Variants in DYRK4 observed in about 807,000 individuals in gnomAD.
DYRK4 encodes the protein dual specificity tyrosine phosphorylation regulated kinase 4.
DYRK4 carries 64 observed loss-of-function variants against 68.3 expected under a neutral mutation model. The observed-to-expected ratio is 0.94, with a 90% CI of 0.77 to 1.15. The LOEUF (loss-of-function observed/expected upper bound fraction) is 1.15. Among genes scored for constraint, DYRK4 ranks in the 50% most tolerant of loss-of-function variants. The pLI is 0.00. For missense variants in DYRK4, 740 were observed against 764.7 expected (o/e 0.97, Z 0.38); for synonymous variants, 274 against 289.9 (o/e 0.95, Z 0.56).
intron 2 of DYRK4, among the ~76,000 whole-genome samples, chr12:4,588,382 C>T (rs1944918743): frequency 1.3e-5 from 2 of 152,214 alleles, no homozygotes; most frequent in Admixed American, 1.3e-4. Flanking sequence ...ACATTACGTC[C>T]TCTTCCTCTG....
Position 4,602,872 on chromosome 12 carries a change from A to G in DYRK4, c.1127-2042A>G, listed in dbSNP as rs139048062. ...AAATACATCACTGTGACAGTTTCCCAAATATATTTCTTTCATTTTCAAAAT... is the reference window on the plus strand; with the variant it reads ...AAATACATCACTGTGACAGTTTCCCGAATATATTTCTTTCATTTTCAAAAT... On this transcript the variant is annotated intron_variant, in intron 10 of 14. Transcript: ENST00000543431. The G allele has an allele frequency of 3.8e-3, 4,009 of 1,057,714 alleles. 173 individuals carry two copies. The Admixed American group carries it at 0.07, about 18-fold the overall frequency. 65.5% of individuals were successfully genotyped at this position (1,057,714 alleles called of 1,614,324 possible). A position where few individuals can be genotyped will look rare whatever the true frequency, so the allele number is the denominator to read the frequency against.
chr12:4,594,656 T>C (rs1298864464), intron 6 of DYRK4, among the ~76,000 whole-genome samples: 1 of 152,154 alleles, frequency 6.6e-6, no homozygotes, highest in Non-Finnish European at 1.5e-5. Flanking sequence ...TCAGTACTAC[T>C]TTTAAGTTAA....
intron 2 of DYRK4, among the ~76,000 whole-genome samples, chr12:4,585,328 C>T (rs1471483878): frequency 1.3e-5 from 2 of 152,230 alleles, no homozygotes; most frequent in Non-Finnish European, 2.9e-5. Context: ...TCTCAAGGGT[C>T]TCATGGAGAG....
Position 4,610,195 on chromosome 12 carries a change from G to GA in DYRK4, c.1408dup (p.Arg470LysfsTer16), listed in dbSNP as rs768937539. On this transcript the variant is annotated frameshift_variant, in exon 13 of 15. Coordinates refer to ENST00000543431, the MANE Select transcript of DYRK4 (RefSeq NM_001394779.1). LOFTEE classifies it high-confidence loss of function. ...CTAAAAATATAACCAACAACAGGGG[G>GA]AAAAAAAGATACCCAGATTCCAAGG... The GA allele has an allele frequency of 3.1e-6, 5 of 1,601,708 alleles. No individual in the cohort carries two copies. Among genetic ancestry groups the GA allele is most frequent in the East Asian group, 4.5e-5 (2 of 44,060 alleles).
intron 11 of DYRK4, among the ~76,000 whole-genome samples, chr12:4,605,851 G>A (rs1945143820): frequency 6.8e-6 from 1 of 147,484 alleles, no homozygotes; most frequent in Non-Finnish European, 1.5e-5. Context: ...TGGTGTAGAT[G>A]TGAACCCAGT....
At chr12:4,604,732 T>C in intron 10 of DYRK4, 182 bp from the exon 11 acceptor site, 3 of 295,428 alleles carry the variant, frequency 1.0e-5, no homozygotes, top group Non-Finnish European at 1.5e-5. Context: ...ACCTCCTTTA[T>C]AATCAGGTTG....
In DYRK4 at chr12:4,605,095, A is replaced by G. The variant is rs776828331; in HGVS notation, c.1299+9A>G. 3.1e-6 allele frequency: 5 copies of G among 1,608,534 alleles called. No homozygotes were observed. Among genetic ancestry groups the G allele is most frequent in the Middle Eastern group, 1.7e-4 (1 of 6,024 alleles). On this transcript the variant is annotated intron_variant, in intron 11 of 14. Transcript: ENST00000543431. ...TGGCCTGCATCATGGAGGTACGCGG[A>G]GGGCTGGCGGTCGGCTCCCACGGAG...
At chr12:4,593,305 C>A in intron 6 of DYRK4, 140 bp downstream of exon 6, 3 of 947,542 alleles carry the variant, frequency 3.2e-6, no homozygotes, top group Non-Finnish European at 3.0e-6. Context: ...CTGGTAGTGC[C>A]AAACCAAGGA....
chr12:4,562,370 G>A (rs1200092637), intron 1 of DYRK4, 87 bp downstream of exon 1: 2 of 1,460,670 alleles, frequency 1.4e-6, no homozygotes, highest in Admixed American at 2.3e-5. Flanking sequence ...GGGGTCGTGG[G>A]GGGAGAATGA....
intron 5 of DYRK4, among the ~76,000 whole-genome samples, chr12:4,592,016 G>C (rs1398615967): frequency 6.6e-6 from 1 of 152,094 alleles, no homozygotes; most frequent in Admixed American, 6.5e-5. Context: ...CAAAGGAAGA[G>C]AGCCCAAATC....
At chr12:4,600,864 C>T (rs1945073615) in intron 10 of DYRK4, among the ~76,000 whole-genome samples, 1 of 151,086 alleles carries the variant, frequency 6.6e-6, no homozygotes, top group East Asian at 2.0e-4. Flanking sequence ...TTCCCCCTTC[C>T]TAGAAGAAAG....
chr12:4,607,022 A>T (rs1945160112), intron 11 of DYRK4, among the ~76,000 whole-genome samples: 1 of 152,070 alleles, frequency 6.6e-6, no homozygotes, highest in African/African-American at 2.4e-5. Context: ...CAGCATGTGT[A>T]CTAGTTTATT....
At chr12:4,577,131 C>T (rs536713603) in intron 2 of DYRK4, among the ~76,000 whole-genome samples, 22 of 152,222 alleles carry the variant, frequency 1.4e-4, no homozygotes, top group Non-Finnish European at 2.4e-4. Flanking sequence ...TTTATAGTTT[C>T]GTGATTTCTA....
rs1043353667 is a variant in DYRK4, at chr12:4,613,242, T to C, written c.1667-273T>C. ...GATTAAATTCTGGTTCTACCACTTA[T>C]CAGGTGTGGACTTAACCTCTCTGTA... On this transcript the variant is annotated intron_variant, in intron 14 of 14. Transcript: ENST00000543431. The surrounding 1 kb of genome is among the most constrained non-coding windows in gnomAD (Gnocchi z 4.0). Among the ~76,000 whole-genome samples the C allele has an allele frequency of 6.6e-6, 1 of 152,220 alleles. No individual in the cohort carries two copies. The highest frequency in any genetic ancestry group is 1.5e-5 in the Non-Finnish European group (1 of 68,032).
chr12:4,573,860 A>G (rs1181080702), intron 2 of DYRK4, among the ~76,000 whole-genome samples: 1 of 152,208 alleles, frequency 6.6e-6, no homozygotes, highest in African/African-American at 2.4e-5. Flanking sequence ...AAATAATATT[A>G]AAGAAATATG....
Position 4,596,154 on chromosome 12 carries a change from G to T in DYRK4, c.633G>T (p.Leu211=). ...CTCCGGCCTGGCTTCCACAGGTCCT[G>T]CATGATCACATTGCCTACCGCTATG... is the stretch of plus-strand genomic sequence containing the variant. ...DDEHGFYLKV[L]HDHIAYRYEV... is the part of the protein sequence containing the mutation. The change falls in exon 7 of 15, where the codon CTG becomes CTT. Residue 211 remains leucine, a synonymous_variant. Coordinates refer to ENST00000543431, the MANE Select transcript of DYRK4 (RefSeq NM_001394779.1). 6.2e-7 allele frequency: 1 copy of T among 1,614,190 alleles called. No individual in the cohort carries two copies. The highest frequency in any genetic ancestry group is 8.5e-7 in the Non-Finnish European group (1 of 1,180,010).
At chr12:4,602,997 C>G in intron 10 of DYRK4, 1 of 912,786 alleles carries the variant, frequency 1.1e-6, no homozygotes, top group Admixed American at 2.2e-5. Flanking sequence ...TTCACGGGTT[C>G]TTGATTCTAT....
At position 4,599,830 on chromosome 12, in the gene DYRK4, C is replaced by T. The variant is rs751645240; in HGVS notation, c.1126+42C>T. The T allele has an allele frequency of 1.3e-5, 20 of 1,545,134 alleles. 1 individual carries two copies. In the East Asian group the frequency reaches 4.5e-4, roughly 35 times the overall value. The stretch of plus-strand genomic sequence containing the variant: ...TCCCATCATCTGAGTTTTCCTATTG[C>T]AATTTCTCTCCCTTCACATACAAGG... On this transcript the variant is annotated intron_variant, in intron 10 of 14. Transcript: ENST00000543431.
chr12:4,593,805 G>A (rs1242398926), intron 6 of DYRK4, among the ~76,000 whole-genome samples: 2 of 152,228 alleles, frequency 1.3e-5, no homozygotes, highest in Non-Finnish European at 2.9e-5. Context: ...GCTGTGGGCT[G>A]TCAGGAATTT....
Sources: allele counts gnomAD v4.1 joint callset (sites outside exome capture counted in the v4.1 genomes callset), GRCh38; gene constraint gnomAD v4.1.1; non-coding constraint Gnocchi (gnomAD v3.1); transcripts MANE v1.5; gene names NCBI Gene and HGNC (gene_info 2026-07-23, HGNC 2026-07-21).